The following RAD51B variants were observed in gnomAD, a reference collection of about 807,000 sequenced individuals.
RAD51B encodes the protein DNA repair protein RAD51 homolog 2.
Under a neutral mutation model 42.2 loss-of-function variants are expected in RAD51B, and 38 were observed. The observed-to-expected ratio is 0.90, with a 90% CI of 0.70 to 1.18. The LOEUF (loss-of-function observed/expected upper bound fraction) is 1.18, where lower values mean the gene tolerates loss of function less well. Ranked by LOEUF, RAD51B falls within the 50% of genes most tolerant of loss-of-function variation. RAD51B has a pLI of 0.00. For missense variants in RAD51B, 373 were observed against 400.7 expected, an observed-to-expected ratio of 0.93 and a Z score of 0.59; for synonymous variants, 154 against 145.2, an observed-to-expected ratio of 1.06 and a Z score of -0.43.
chr14:68,178,150 G>A (rs947012156), intron 7 of RAD51B, among the ~76,000 whole-genome samples: 7 of 152,002 alleles, frequency 4.6e-5, no homozygotes, highest in Non-Finnish European at 1.5e-5. Flanking sequence ...TCTCTTTGCG[G>A]ATCAAACACA....
chr14:67,940,846 C>T (rs982991242), intron 7 of RAD51B, among the ~76,000 whole-genome samples: 3 of 151,944 alleles, frequency 2.0e-5, no homozygotes, highest in African/African-American at 4.8e-5. Context: ...TACAAATGTT[C>T]GCTGAAAGCA....
At chr14:68,289,992 C>G (rs1171325380) in intron 7 of RAD51B, among the ~76,000 whole-genome samples, 3 of 152,204 alleles carry the variant, frequency 2.0e-5, no homozygotes, top group Non-Finnish European at 1.5e-5. Flanking sequence ...GTCTTTGCTA[C>G]TCGAGTAATT....
At chr14:67,823,445 G>A (rs1212921655) in intron 1 of RAD51B, 97 bp from the exon 2 acceptor site, 2 of 937,214 alleles carry the variant, frequency 2.1e-6, no homozygotes, top group African/African-American at 3.4e-5. Context: ...GAAACTTGAG[G>A]AATTTTTAAT....
intron 7 of RAD51B, among the ~76,000 whole-genome samples, chr14:68,201,543 G>C (rs2079485421): frequency 6.6e-6 from 1 of 152,118 alleles, no homozygotes; most frequent in Non-Finnish European, 1.5e-5. Context: ...CTCATCTTAG[G>C]ACATAGGCTG....
chr14:68,581,228 C>T (rs142887720), intron 10 of RAD51B, among the ~76,000 whole-genome samples: 132 of 152,254 alleles, frequency 8.7e-4, no homozygotes, highest in African/African-American at 3.2e-3. Context: ...TAGAAAGTGG[C>T]ACCACATTCT....
At chr14:68,387,802 G>A (rs1865457155) in intron 8 of RAD51B, among the ~76,000 whole-genome samples, 1 of 151,942 alleles carries the variant, frequency 6.6e-6, no homozygotes, top group Non-Finnish European at 1.5e-5. Context: ...CTGCACTGTC[G>A]CTACATAGCC....
chr14:68,049,957 C>A (rs2076365840), intron 7 of RAD51B, among the ~76,000 whole-genome samples: 1 of 152,148 alleles, frequency 6.6e-6, no homozygotes, highest in South Asian at 2.1e-4. Flanking sequence ...CCTATGAAGT[C>A]CAGTGGTGTG....
intron 11 of RAD51B, among the ~76,000 whole-genome samples, chr14:68,667,020 G>A (rs1453099014): frequency 2.0e-5 from 3 of 152,208 alleles, no homozygotes; most frequent in Non-Finnish European, 4.4e-5. Context: ...TGTTTCAGGT[G>A]ACATAACCAC....
At chr14:67,919,106 T>C (rs2044243906) in intron 7 of RAD51B, among the ~76,000 whole-genome samples, 1 of 152,142 alleles carries the variant, frequency 6.6e-6, no homozygotes, top group East Asian at 1.9e-4. Context: ...ACAAACCAAA[T>C]TAAACTGATG....
intron 7 of RAD51B, among the ~76,000 whole-genome samples, chr14:67,910,666 A>G (rs1456720718): frequency 6.6e-6 from 1 of 152,018 alleles, no homozygotes; most frequent in Admixed American, 6.6e-5. Flanking sequence ...TACCAATTGA[A>G]TTCAGATTAA....
chr14:68,384,309 A>G (rs1330511495), intron 8 of RAD51B, among the ~76,000 whole-genome samples: 1 of 152,170 alleles, frequency 6.6e-6, no homozygotes, highest in Non-Finnish European at 1.5e-5. Flanking sequence ...GAACTTTATT[A>G]TTACACAGAT....
intron 7 of RAD51B, among the ~76,000 whole-genome samples, chr14:68,127,217 C>T (rs1406293428): frequency 6.6e-6 from 1 of 152,132 alleles, no homozygotes; most frequent in Non-Finnish European, 1.5e-5. Context: ...CAAACTACTC[C>T]ACCCAGACCA....
intron 11 of RAD51B, among the ~76,000 whole-genome samples, chr14:68,673,799 CAT>C (rs1893234613): frequency 2.6e-5 from 4 of 151,852 alleles, no homozygotes; most frequent in African/African-American, 9.7e-5. Context: ...TATATGCACA[CAT>C]ATATACATGT....
chr14:68,185,215 A>G (rs1256496480), intron 7 of RAD51B, among the ~76,000 whole-genome samples: 1 of 152,262 alleles, frequency 6.6e-6, no homozygotes, highest in East Asian at 1.9e-4. Context: ...TATGAAAATC[A>G]GATGAAACAA....
At chr14:68,132,627 G>T (rs1191273959) in intron 7 of RAD51B, among the ~76,000 whole-genome samples, 4 of 152,186 alleles carry the variant, frequency 2.6e-5, no homozygotes, top group Non-Finnish European at 5.9e-5. Flanking sequence ...GGATTGAACA[G>T]CCAAACTGTG....
At chr14:68,532,933 T>C (rs1887402846) in intron 10 of RAD51B, among the ~76,000 whole-genome samples, 1 of 152,170 alleles carries the variant, frequency 6.6e-6, no homozygotes, top group South Asian at 2.1e-4. Context: ...GGAACTTCCT[T>C]AACTTGATAA....
intron 10 of RAD51B, among the ~76,000 whole-genome samples, chr14:68,645,890 G>C (rs1417454583): frequency 6.6e-6 from 1 of 151,570 alleles, no homozygotes; most frequent in Non-Finnish European, 1.5e-5. Context: ...TGCATTTTTG[G>C]TTATTTACAT....
At chr14:68,272,474 T>C (rs936959402) in intron 7 of RAD51B, among the ~76,000 whole-genome samples, 2 of 151,178 alleles carry the variant, frequency 1.3e-5, no homozygotes, top group Non-Finnish European at 2.9e-5. Flanking sequence ...AATAAATGTA[T>C]ATGACAAATA....
At chr14:68,524,014 A>T (rs1172221570) in intron 10 of RAD51B, among the ~76,000 whole-genome samples, 4 of 152,212 alleles carry the variant, frequency 2.6e-5, no homozygotes, top group Middle Eastern at 3.2e-3. Context: ...TAATCTTTTG[A>T]TAATAATAAC....
Sources: gnomAD v4.1 joint callset for allele counts (sites outside exome capture counted in the v4.1 genomes callset) on GRCh38, gnomAD v4.1.1 for gene constraint, MANE v1.5 for transcripts, NCBI Gene and HGNC (gene_info 2026-07-23, HGNC 2026-07-21) for gene names.